The following DGKD variants were observed in gnomAD, a reference collection of about 807,000 sequenced individuals.
DGKD encodes the protein DAG kinase delta.
Under a neutral mutation model 154.4 loss-of-function variants are expected in DGKD, and 68 were observed. The observed-to-expected ratio is 0.44, with a 90% CI of 0.36 to 0.54. The LOEUF is 0.54. DGKD is among the 20% of genes least tolerant of loss of function. DGKD has a pLI of 0.00. For synonymous variants in DGKD, 693 were observed against 638.0 expected (o/e 1.09, Z -1.30); for missense variants, 1,343 against 1,593.6 (o/e 0.84, Z 2.68).
In DGKD at chr2:233,440,338, G is replaced by C. The variant is rs553555123; in HGVS notation, c.1086-1549G>C. 6.6e-6 allele frequency among the ~76,000 whole-genome samples: 1 copy of C among 152,318 alleles called. No individual in the cohort carries two copies. The highest frequency in any genetic ancestry group is 2.4e-5 in the African/African-American group (1 of 41,586). ...GCTTGGTGCCGCATCACCTATGCCT[G>C]TCTGTCTTCTGAGCACTCATTCTGG... On this transcript the variant is annotated intron_variant, in intron 9 of 29. Transcript: ENST00000264057. The surrounding 1 kb of genome is among the most constrained non-coding windows in gnomAD (Gnocchi z 4.9).
chr2:233,429,533 T>C (rs11689634), intron 3 of DGKD, among the ~76,000 whole-genome samples: 3,707 of 152,264 alleles, frequency 0.024, 62 homozygotes, highest in Non-Finnish European at 0.036. Context: ...CTTTGTCGTC[T>C]TCATGGCTGA....
chr2:233,446,372 T>TG (rs2063071270), intron 11 of DGKD, among the ~76,000 whole-genome samples: 1 of 152,156 alleles, frequency 6.6e-6, no homozygotes, highest in Non-Finnish European at 1.5e-5. Context: ...CTGTGTGCCT[T>TG]GGGGCCTGTG....
intron 1 of DGKD, among the ~76,000 whole-genome samples, chr2:233,375,868 A>G (rs1176842944): frequency 2.0e-5 from 3 of 152,002 alleles, no homozygotes; most frequent in Non-Finnish European, 4.4e-5. Flanking sequence ...TTTAAAGCAA[A>G]TACTTCTGGT....
At chr2:233,401,422 GAAT>G (rs565306200) in intron 3 of DGKD, among the ~76,000 whole-genome samples, 136 of 152,138 alleles carry the variant, frequency 8.9e-4, no homozygotes, top group Non-Finnish European at 1.6e-3. Context: ...TCTGTTTACT[GAAT>G]AATAACTTTA....
rs571120748 is a variant in DGKD, at chr2:233,387,006, C to T, written c.157-1251C>T. Reference sequence around the variant, plus strand: ...CTGGTGTCCGTCCACATGTTGATGGCGTGTCGGGCTGGGGGCTTTCTGCAG... The same window carrying T: ...CTGGTGTCCGTCCACATGTTGATGGTGTGTCGGGCTGGGGGCTTTCTGCAG... On this transcript the variant is annotated intron_variant, in intron 1 of 29. Transcript: ENST00000264057. Among the ~76,000 whole-genome samples the T allele has an allele frequency of 2.6e-4, 40 of 152,280 alleles. No individual in the cohort carries two copies. The South Asian group carries it at 7.5e-3, about 28-fold the overall frequency.
At chr2:233,381,960 G>T (rs1300471266) in intron 1 of DGKD, among the ~76,000 whole-genome samples, 2 of 152,222 alleles carry the variant, frequency 1.3e-5, no homozygotes, top group African/African-American at 4.8e-5. Context: ...TGGGCCAGGT[G>T]CGGTGGCTCA....
intron 1 of DGKD, among the ~76,000 whole-genome samples, chr2:233,384,756 A>C (rs1575011713): frequency 6.6e-6 from 1 of 150,652 alleles, no homozygotes; most frequent in African/African-American, 2.5e-5. Flanking sequence ...TCCACATTTC[A>C]CCCCTCTTCT....
chr2:233,413,526 A>G (rs1420747497), intron 3 of DGKD, among the ~76,000 whole-genome samples: 1 of 152,102 alleles, frequency 6.6e-6, no homozygotes, highest in South Asian at 2.1e-4. Context: ...GAGAAGGGAT[A>G]TCATGGGGCT....
chr2:233,451,072 G>C, intron 17 of DGKD, 22 bp downstream of exon 17: 1 of 1,593,070 alleles, frequency 6.3e-7, no homozygotes, highest in East Asian at 2.3e-5. Context: ...CCAGCAGGAG[G>C]GACTGGTGGG....
At chr2:233,404,850 G>A (rs950254446) in intron 3 of DGKD, among the ~76,000 whole-genome samples, 2 of 152,092 alleles carry the variant, frequency 1.3e-5, no homozygotes, top group Non-Finnish European at 2.9e-5. Context: ...TTGGGTGGAG[G>A]GTAGGTAGAG....
intron 3 of DGKD, among the ~76,000 whole-genome samples, chr2:233,401,812 C>G (rs1475930059): frequency 1.3e-5 from 2 of 149,110 alleles, no homozygotes; most frequent in African/African-American, 2.5e-5. Flanking sequence ...CCCAGCTACT[C>G]AGGAGGCTGA....
chr2:233,394,880 A>G (rs1298683473), intron 3 of DGKD, among the ~76,000 whole-genome samples: 1 of 149,326 alleles, frequency 6.7e-6, no homozygotes. Context: ...CTAATTTTTT[A>G]TTTTTTGTAG....
At chr2:233,389,821 C>A (rs1559493863) in intron 2 of DGKD, among the ~76,000 whole-genome samples, 2 of 152,164 alleles carry the variant, frequency 1.3e-5, no homozygotes, top group African/African-American at 2.4e-5. Flanking sequence ...TGACTCCCAG[C>A]CCTGCCCTGG....
intron 1 of DGKD, among the ~76,000 whole-genome samples, chr2:233,376,597 A>G (rs56201966): frequency 0.11 from 17,133 of 152,036 alleles, 1,204 homozygotes; most frequent in South Asian, 0.33. Context: ...TTTAATATAT[A>G]TGTTTTTTAT....
intron 1 of DGKD, among the ~76,000 whole-genome samples, chr2:233,373,887 AAAAG>A (rs1331677970): frequency 1.3e-5 from 2 of 152,238 alleles, no homozygotes; most frequent in African/African-American, 4.8e-5. Context: ...GAATAAATGA[AAAAG>A]AAATAACATA....
rs192633342 is a variant in DGKD at position 233,471,378 on chromosome 2, G to A, written c.*1918G>A. 1.9e-3 allele frequency: 297 copies of A among 152,560 alleles called. 2 individuals are homozygous for A. The highest frequency in any genetic ancestry group is 3.3e-3 in the Non-Finnish European group (225 of 68,094). The allele number at this position is 152,560 out of a possible 1,614,324, so 9.5% of individuals were successfully genotyped here. A position where few individuals can be genotyped will look rare whatever the true frequency, so the allele number is the denominator to read the frequency against. On this transcript the variant is annotated 3_prime_UTR_variant, in exon 30 of 30. Coordinates refer to ENST00000264057, the MANE Select transcript of DGKD (RefSeq NM_152879.3). ...GCAGAGGGAGAAATAAGCCAGCCAC[G>A]GCAGTCGCTTGGTTTCCCAGGTGGA...
chr2:233,419,307 A>C (rs2062043592), intron 3 of DGKD: 1 of 985,392 alleles, frequency 1.0e-6, no homozygotes, highest in African/African-American at 1.7e-5. Flanking sequence ...TCTACTTCGT[A>C]ATCTGTAGGC....
Position 233,398,988 on chromosome 2 carries a change from T to G in DGKD, c.348+8505T>G, listed in dbSNP as rs548840042. Among the ~76,000 whole-genome samples, 8 of 152,310 alleles carry G rather than the reference T, an allele frequency of 5.3e-5. No homozygotes were observed. The South Asian group carries it at 1.7e-3, about 32-fold the overall frequency. On this transcript the variant is annotated intron_variant, in intron 3 of 29. Transcript: ENST00000264057. ...ACAAGACTGTAGGGTCCATTCGAGT[T>G]TTATGCTTTTATTTACTTATTTCTC...
intron 3 of DGKD, among the ~76,000 whole-genome samples, chr2:233,405,621 G>C (rs1168892725): frequency 2.0e-5 from 3 of 152,130 alleles, no homozygotes; most frequent in Non-Finnish European, 4.4e-5. Context: ...TCCTAATAAA[G>C]GGATGAGTTC....
Sources: allele counts gnomAD v4.1 joint callset (sites outside exome capture counted in the v4.1 genomes callset), GRCh38; gene constraint gnomAD v4.1.1; non-coding constraint Gnocchi (gnomAD v3.1); transcripts MANE v1.5; gene names NCBI Gene and HGNC (gene_info 2026-07-23, HGNC 2026-07-21).